HAT1: variants seen among roughly 807,000 people sequenced by gnomAD.
The protein encoded by HAT1 is histone acetyltransferase 1.
A neutral mutation model predicts 56.6 loss-of-function variants in HAT1; 20 were observed. That is an observed-to-expected ratio of 0.35 (90% CI 0.25 to 0.51). The LOEUF (loss-of-function observed/expected upper bound fraction) is 0.51. Ranked by LOEUF, HAT1 falls within the 20% of genes least tolerant of loss-of-function variation. HAT1 has a pLI of 0.95. For synonymous variants in HAT1, 146 were observed against 165.5 expected (o/e 0.88, Z 0.91); for missense variants, 408 against 504.3 (o/e 0.81, Z 1.83).
At chr2:171,977,573 T>A (rs868819396) in intron 9 of HAT1, among the ~76,000 whole-genome samples, 3 of 110,252 alleles carry the variant, frequency 2.7e-5, no homozygotes, top group African/African-American at 9.4e-5. Context: ...TTTTTTTTTT[T>A]TTTTTTAATG....
chr2:171,980,315 C>T (rs1688101515), intron 10 of HAT1: 1 of 151,902 alleles, frequency 6.6e-6, no homozygotes, highest in African/African-American at 2.4e-5. Context: ...CAAAGTTATA[C>T]ATATATATTC....
Position 171,983,358 on chromosome 2 carries a change from A to C in HAT1, c.*6A>C. 6.3e-7 allele frequency: 1 copy of C among 1,576,380 alleles called. No homozygotes were observed. Among genetic ancestry groups the C allele is most frequent in the South Asian group, 1.1e-5 (1 of 88,086 alleles). ...AACGACTTGCTCAAGAGTAAAGATT[A>C]TACTGCTCTGTACAGGAAGCTTGCA... On this transcript the variant is annotated 3_prime_UTR_variant, in exon 11 of 11. Coordinates refer to ENST00000264108, the MANE Select transcript of HAT1 (RefSeq NM_003642.4).
chr2:171,944,476 TC>T (rs1687108227), intron 2 of HAT1, among the ~76,000 whole-genome samples: 2 of 152,226 alleles, frequency 1.3e-5, no homozygotes, highest in African/African-American at 4.8e-5. Flanking sequence ...ATACAGTTGG[TC>T]CTTGAACAAC....
chr2:171,978,940 A>AG (rs1688058532), intron 9 of HAT1, among the ~76,000 whole-genome samples: 1 of 151,770 alleles, frequency 6.6e-6, no homozygotes, highest in South Asian at 2.1e-4. Flanking sequence ...AAAAAAAAAA[A>AG]AAATAGCCGA....
In HAT1 at chr2:171,965,387, G is replaced by T; in HGVS notation, c.359G>T (p.Cys120Phe). The T allele has an allele frequency of 6.2e-7, 1 of 1,611,544 alleles. No homozygotes were observed. Among genetic ancestry groups the T allele is most frequent in the Non-Finnish European group, 8.5e-7 (1 of 1,178,130 alleles). ...AGACAAATCATTCCACCTGGATTTTGCACAAACACGAATGATTTCCTTTCT... is the reference window on the plus strand; with the variant it reads ...AGACAAATCATTCCACCTGGATTTTTCACAAACACGAATGATTTCCTTTCT... ...KIRQIIPPGF[C>F]TNTNDFLSLL... is the part of the protein sequence containing the mutation. Residue 120 changes from cysteine to phenylalanine, a missense_variant, in exon 5 of 11, where the codon TGC becomes TTC. Physicochemically the swap from Cys to Phe is radical, Grantham distance 205. Coordinates refer to ENST00000264108, the MANE Select transcript of HAT1 (RefSeq NM_003642.4).
chr2:171,982,249 A>C (rs1054375857), intron 10 of HAT1, among the ~76,000 whole-genome samples: 2 of 152,208 alleles, frequency 1.3e-5, no homozygotes, highest in Non-Finnish European at 2.9e-5. Flanking sequence ...CTGTAATCCC[A>C]GCAGTTTGGG....
At chr2:171,934,479 T>C in intron 2 of HAT1, among the ~76,000 whole-genome samples, 1 of 152,228 alleles carries the variant, frequency 6.6e-6, no homozygotes, top group East Asian at 1.9e-4. Flanking sequence ...AAGCATTTTG[T>C]GCAGTTTCTT....
chr2:171,935,515 C>CAAAAA (rs56220004), intron 2 of HAT1, among the ~76,000 whole-genome samples: 5 of 55,640 alleles, frequency 9.0e-5, no homozygotes, highest in Non-Finnish European at 1.3e-4. Context: ...AACTCCATCT[C>CAAAAA]AAAAAAAAAA....
At chr2:171,926,943 A>G (rs1686614564) in intron 2 of HAT1, among the ~76,000 whole-genome samples, 2 of 152,250 alleles carry the variant, frequency 1.3e-5, no homozygotes, top group South Asian at 2.1e-4. Context: ...TAGTATAGCT[A>G]TACCACGGAA....
chr2:171,972,495 G>A (rs1687842679), intron 8 of HAT1, among the ~76,000 whole-genome samples: 1 of 152,108 alleles, frequency 6.6e-6, no homozygotes, highest in Non-Finnish European at 1.5e-5. Context: ...GAACTCCAGG[G>A]CTCCAGCTGT....
At chr2:171,944,886 C>G (rs1687117596) in intron 2 of HAT1, among the ~76,000 whole-genome samples, 1 of 152,048 alleles carries the variant, frequency 6.6e-6, no homozygotes, top group Non-Finnish European at 1.5e-5. Flanking sequence ...TCTTTTTTCC[C>G]CCTGAGACGG....
intron 1 of HAT1, chr2:171,924,738 A>G (rs940638280): frequency 1.3e-5 from 2 of 152,156 alleles, no homozygotes; most frequent in Non-Finnish European, 1.5e-5. Flanking sequence ...ACCCATGGTA[A>G]CTATGGTTAC....
At chr2:171,981,871 T>C (rs921348163) in intron 10 of HAT1, among the ~76,000 whole-genome samples, 2 of 152,218 alleles carry the variant, frequency 1.3e-5, no homozygotes, top group African/African-American at 4.8e-5. Context: ...GGTTTTGACC[T>C]TTAAGTAATA....
intron 8 of HAT1, among the ~76,000 whole-genome samples, chr2:171,972,119 G>A (rs1047084220): frequency 1.3e-5 from 2 of 151,854 alleles, no homozygotes; most frequent in African/African-American, 2.4e-5. Context: ...CCAGGCCCCC[G>A]ACCAGAATCC....
chr2:171,977,543 ATATATATATATATATTTTTTTTTTTTTTT>A (rs1160309554), intron 9 of HAT1, among the ~76,000 whole-genome samples: 8 of 13,854 alleles, frequency 5.8e-4, no homozygotes, highest in Admixed American at 2.4e-3. Context: ...ATATATATAT[ATATATATATATATATTTTTTTTTTTTTTT>A]TTTTTTTAAT....
At chr2:171,940,881 C>T (rs1687002375) in intron 2 of HAT1, among the ~76,000 whole-genome samples, 1 of 152,184 alleles carries the variant, frequency 6.6e-6, no homozygotes, top group Non-Finnish European at 1.5e-5. Context: ...GCTGTCTCAT[C>T]ATTGGGTCTT....
intron 2 of HAT1, among the ~76,000 whole-genome samples, chr2:171,944,844 A>G (rs1451362563): frequency 6.6e-6 from 1 of 152,188 alleles, no homozygotes; most frequent in African/African-American, 2.4e-5. Context: ...CTGTGAGGAC[A>G]GTGTTAGAAA....
chr2:171,935,820 G>A (rs1686859733), intron 2 of HAT1, among the ~76,000 whole-genome samples: 1 of 151,770 alleles, frequency 6.6e-6, no homozygotes, highest in Non-Finnish European at 1.5e-5. Flanking sequence ...AGGTTGCAGT[G>A]AGCTGTGATT....
intron 2 of HAT1, among the ~76,000 whole-genome samples, chr2:171,943,003 C>T (rs1390909320): frequency 1.3e-5 from 2 of 151,302 alleles, no homozygotes; most frequent in Non-Finnish European, 2.9e-5. Context: ...TCTAGATTTT[C>T]CAAACATTTT....
Sources: gnomAD v4.1 joint callset for allele counts (sites outside exome capture counted in the v4.1 genomes callset) on GRCh38, gnomAD v4.1.1 for gene constraint, MANE v1.5 for transcripts, NCBI Gene and HGNC (gene_info 2026-07-23, HGNC 2026-07-21) for gene names.